PRDM12: variants seen among roughly 807,000 people sequenced by gnomAD.
The protein encoded by PRDM12 is PR domain zinc finger protein 12.
Under a neutral mutation model 29.6 loss-of-function variants are expected in PRDM12, and 17 were observed. The observed-to-expected ratio is 0.57, with a 90% confidence interval of 0.39 to 0.86. The LOEUF (loss-of-function observed/expected upper bound fraction) is 0.86, where lower values mean the gene tolerates loss of function less well. PRDM12 is among the 40% of genes least tolerant of loss of function. The pLI is 0.00. For synonymous variants in PRDM12, 231 were observed against 225.8 expected (o/e 1.02, Z -0.21); for missense variants, 422 against 510.8 (o/e 0.83, Z 1.68).
intron 2 of PRDM12, among the ~76,000 whole-genome samples, chr9:130,667,119 G>A (rs532424082): frequency 1.8e-4 from 27 of 152,314 alleles, no homozygotes; most frequent in Non-Finnish European, 2.9e-4. Flanking sequence ...GTCCCCACGC[G>A]CCATCCCTCC....
At chr9:130,674,919 G>T (rs115813871) in intron 3 of PRDM12, among the ~76,000 whole-genome samples, 3,498 of 152,190 alleles carry the variant, frequency 0.023, 137 homozygotes, top group African/African-American at 0.08. Flanking sequence ...TCACTTTGTT[G>T]GTCGGACAGT....
In PRDM12 at chr9:130,681,264, G is replaced by A. The variant is rs760665376; in HGVS notation, c.699G>A (p.Ala233=). ...CGCGGCCAGAGGACTTCCACCCGGC[G>A]GACTCGGCGGCTGGCCCCGCGGGCC... is the stretch of plus-strand genomic sequence containing the variant. ...KKNKHEDFHP[A]DSAAGPAGRM... Residue 233 remains alanine, a synonymous_variant, in exon 5 of 5, where the codon GCG becomes GCA. Coordinates refer to ENST00000253008, the MANE Select transcript of PRDM12 (RefSeq NM_021619.3). The surrounding 1 kb of genome is among the most constrained non-coding windows in gnomAD (Gnocchi z 8.1). The A allele has an allele frequency of 1.2e-5, 18 of 1,469,232 alleles. No individual in the cohort carries two copies. The highest frequency in any genetic ancestry group is 2.9e-5 in the African/African-American group (2 of 69,482). 91.0% of individuals were successfully genotyped at this position (1,469,232 alleles called of 1,614,324 possible). A position where few individuals can be genotyped will look rare whatever the true frequency, so the allele number is the denominator to read the frequency against.
rs558899938 is a variant in PRDM12, at chr9:130,668,663, G to C, written c.570+350G>C. ...ACAGAGACACAGAGAAGCAAGATGG[G>C]GAGAGGCGGCCCAGGGAATGCGTTG... is the stretch of plus-strand genomic sequence containing the variant. On this transcript the variant is annotated intron_variant, in intron 3 of 4. Coordinates refer to ENST00000253008, the MANE Select transcript of PRDM12 (RefSeq NM_021619.3). The surrounding 1 kb of genome is among the most constrained non-coding windows in gnomAD (Gnocchi z 4.0). 6.6e-6 allele frequency among the ~76,000 whole-genome samples: 1 copy of C among 152,160 alleles called. No individual in the cohort carries two copies. Among genetic ancestry groups the C allele is most frequent in the South Asian group, 2.1e-4 (1 of 4,830 alleles).
intron 3 of PRDM12, among the ~76,000 whole-genome samples, chr9:130,674,474 T>G (rs1830817376): frequency 6.7e-6 from 1 of 149,014 alleles, no homozygotes; most frequent in Admixed American, 6.8e-5. Context: ...ACTGATTTTC[T>G]TGCTTTTAAA....
intron 2 of PRDM12, among the ~76,000 whole-genome samples, chr9:130,667,893 G>T (rs1169961701): frequency 6.6e-6 from 1 of 152,194 alleles, no homozygotes; most frequent in African/African-American, 2.4e-5. Flanking sequence ...TTCTTCTGGG[G>T]GTAGGGAGGA....
At chr9:130,674,045 T>A in intron 3 of PRDM12, among the ~76,000 whole-genome samples, 1 of 125,294 alleles carries the variant, frequency 8.0e-6, no homozygotes, top group Admixed American at 9.3e-5. Flanking sequence ...GACAGAGTCT[T>A]GCTCTGTCTC....
Position 130,672,730 on chromosome 9 carries a change from A to T in PRDM12, c.570+4417A>T, listed in dbSNP as rs986197021. 1.2e-4 allele frequency among the ~76,000 whole-genome samples: 19 copies of T among 152,322 alleles called. No individual in the cohort carries two copies. The East Asian group carries it at 3.5e-3, about 28-fold the overall frequency. ...ATTGGTGTGTCGGGACATCTGTGGT[A>T]CAATGGAAATTGATGTTTGTCCAGA... On this transcript the variant is annotated intron_variant, in intron 3 of 4. Transcript: ENST00000253008.
chr9:130,673,309 CA>C (rs1830805771), intron 3 of PRDM12, among the ~76,000 whole-genome samples: 1 of 152,178 alleles, frequency 6.6e-6, no homozygotes, highest in Non-Finnish European at 1.5e-5. Context: ...GAAGAAGCTG[CA>C]GGTTCCTGGG....
rs748242287 is a variant in PRDM12, at chr9:130,668,275, G to T, written c.532G>T (p.Val178Phe). Residue 178 changes from valine (V) to phenylalanine (F), a missense_variant, in exon 3 of 5, where the codon GTC (valine) becomes TTC (phenylalanine). Around this residue, in one of 5 missense-constraint regions of PRDM12, gnomAD observed 300 missense variants for 350.0 expected, o/e 0.86. Coordinates refer to ENST00000253008, the MANE Select transcript of PRDM12 (RefSeq NM_021619.3). This position sits in a 1 kb window ranked among gnomAD's most constrained non-coding sequence, Gnocchi z 4.0. ...RNEQEQNLEVVQIGTSIFYKA... is the reference protein window; with the variant it reads ...RNEQEQNLEVFQIGTSIFYKA... ...CGAACAGGAGCAGAACCTGGAGGTG[G>T]TCCAGATCGGCACCAGCATCTTCTA... 6.2e-7 allele frequency: 1 copy of T among 1,614,136 alleles called. No homozygotes were observed. The highest frequency in any genetic ancestry group is 8.5e-7 in the Non-Finnish European group (1 of 1,180,022).
At chr9:130,680,548 C>T (rs1830884114) in intron 4 of PRDM12, among the ~76,000 whole-genome samples, 1 of 148,550 alleles carries the variant, frequency 6.7e-6, no homozygotes, top group African/African-American at 2.5e-5. Context: ...ACCACTTGAA[C>T]CCAGGAGGCG....
intron 3 of PRDM12, among the ~76,000 whole-genome samples, chr9:130,669,529 A>T (rs973515399): frequency 8.8e-5 from 13 of 148,210 alleles, no homozygotes; most frequent in Non-Finnish European, 1.5e-4. Context: ...TCTCAAAAAA[A>T]AAAAGGCTTG....
rs1246071701 is a variant in PRDM12 at position 130,665,104 on chromosome 9, C to T, written c.223+228C>T. ...GCTCAAGGACCGACCCCGGCGACCC[C>T]GTCGCTCGGCCCCGACGCCCCCGCC... is the stretch of plus-strand genomic sequence containing the variant. On this transcript the variant is annotated intron_variant, in intron 1 of 4. Transcript: ENST00000253008. Among the ~76,000 whole-genome samples, 6 of 152,152 alleles carry T rather than the reference C, an allele frequency of 3.9e-5. No individual in the cohort carries two copies. The South Asian group carries it at 6.2e-4, about 16-fold the overall frequency.
intron 3 of PRDM12, among the ~76,000 whole-genome samples, chr9:130,674,544 T>C (rs1830819250): frequency 7.1e-6 from 1 of 141,442 alleles, no homozygotes; most frequent in Admixed American, 7.1e-5. Context: ...ATAGAAGTAA[T>C]ATGTGCTCAT....
chr9:130,674,702 G>A (rs1206744926), intron 3 of PRDM12, among the ~76,000 whole-genome samples: 7 of 152,136 alleles, frequency 4.6e-5, no homozygotes, highest in Non-Finnish European at 1.0e-4. Context: ...GGCATCCAGA[G>A]TGGCAGAGAG....
Position 130,667,478 on chromosome 9 carries a change from A to C in PRDM12, c.414+680A>C, listed in dbSNP as rs182138649. Among the ~76,000 whole-genome samples the C allele has an allele frequency of 2.1e-3, 324 of 152,200 alleles. 1 individual carries two copies. The highest frequency in any genetic ancestry group is 7.2e-3 in the African/African-American group (298 of 41,534). On this transcript the variant is annotated intron_variant, in intron 2 of 4. Transcript: ENST00000253008. Reference sequence around the variant, plus strand: ...GCAGAACGGGAAACCCACTGAGGCCAGACTGGTGCACACCCTTCCTAAACT... The same window carrying C: ...GCAGAACGGGAAACCCACTGAGGCCCGACTGGTGCACACCCTTCCTAAACT...
chr9:130,677,401 G>T (rs1008624866), intron 3 of PRDM12, among the ~76,000 whole-genome samples: 2 of 152,188 alleles, frequency 1.3e-5, no homozygotes, highest in African/African-American at 4.8e-5. Context: ...AAGCCAACGC[G>T]GGGTCCTGGC....
Position 130,668,022 on chromosome 9 carries a change from C to A in PRDM12, c.415-136C>A, listed in dbSNP as rs941550406. 6 of 1,214,812 alleles carry A rather than the reference C, an allele frequency of 4.9e-6. No homozygotes were observed. In the African/African-American group the frequency reaches 7.5e-5, roughly 15 times the overall value. The allele number at this position is 1,214,812 out of a possible 1,614,324, so 75.3% of individuals were successfully genotyped here. Reference sequence around the variant, plus strand: ...CCCTGCACCTCTCCAGCCTTCCTTTCTTCAGTGGGAAAATGAAGCTTTATC... The same window carrying A: ...CCCTGCACCTCTCCAGCCTTCCTTTATTCAGTGGGAAAATGAAGCTTTATC... On this transcript the variant is annotated intron_variant, in intron 2 of 4. Coordinates refer to ENST00000253008, the MANE Select transcript of PRDM12 (RefSeq NM_021619.3). The surrounding 1 kb of genome is among the most constrained non-coding windows in gnomAD (Gnocchi z 4.0).
rs569493707 is a variant in PRDM12, at chr9:130,673,770, C to G, written c.571-4759C>G. Among the ~76,000 whole-genome samples, 45 of 146,202 alleles carry G rather than the reference C, an allele frequency of 3.1e-4. 1 individual carries two copies. In the South Asian group the frequency reaches 9.3e-3, roughly 30 times the overall value. ...CACCGCAACCTCTGCCTCCTGGATT[C>G]AAGCGATTCTCCTGCCTCAGCCTCC... On this transcript the variant is annotated intron_variant, in intron 3 of 4. Transcript: ENST00000253008.
In PRDM12 at chr9:130,664,931, C is replaced by G; in HGVS notation, c.223+55C>G. The G allele has an allele frequency of 6.9e-7, 1 of 1,454,928 alleles. No homozygotes were observed. The highest frequency in any genetic ancestry group is 9.2e-7 in the Non-Finnish European group (1 of 1,090,922). 90.1% of individuals were successfully genotyped at this position (1,454,928 alleles called of 1,614,324 possible). On this transcript the variant is annotated intron_variant, in intron 1 of 4. Coordinates refer to ENST00000253008, the MANE Select transcript of PRDM12 (RefSeq NM_021619.3). This position sits in a 1 kb window ranked among gnomAD's most constrained non-coding sequence, Gnocchi z 6.4. ...TCCCTCCTCCCGGCGACCCCCATTCCCGTCCTGGCGATGCGCGAGACGCGG... is the reference window on the plus strand; with the variant it reads ...TCCCTCCTCCCGGCGACCCCCATTCGCGTCCTGGCGATGCGCGAGACGCGG...
Sources: allele counts gnomAD v4.1 joint callset (sites outside exome capture counted in the v4.1 genomes callset), GRCh38; gene constraint gnomAD v4.1.1; regional missense constraint gnomAD v4.1.1; non-coding constraint Gnocchi (gnomAD v3.1); transcripts MANE v1.5; gene names NCBI Gene and HGNC (gene_info 2026-07-23, HGNC 2026-07-21).